DROSHA: variants seen among roughly 807,000 people sequenced by gnomAD.
DROSHA encodes the protein ribonuclease 3.
In DROSHA, 56 loss-of-function variants were observed where a neutral mutation model predicts 181.9. The observed-to-expected ratio is 0.31, with a 90% CI of 0.25 to 0.38. The LOEUF (loss-of-function observed/expected upper bound fraction) is 0.38. Among genes scored for constraint, DROSHA ranks in the 10% least tolerant of loss-of-function variants. The pLI is 1.00. For missense variants in DROSHA, 1,218 were observed against 1,743.5 expected, an observed-to-expected ratio of 0.70 and a Z score of 5.37; for synonymous variants, 524 against 591.2, an observed-to-expected ratio of 0.89 and a Z score of 1.65.
chr5:31,422,058 T>C, intron 29 of DROSHA, among the ~76,000 whole-genome samples: 1 of 145,580 alleles, frequency 6.9e-6, no homozygotes. Flanking sequence ...TGCCACTGCA[T>C]TCCAGCCTTC....
Position 31,429,481 on chromosome 5 carries a change from A to G in DROSHA, c.3210T>C (p.Asn1070=). Residue 1070 remains asparagine (N), a synonymous_variant, in exon 27 of 36, where the codon AAT becomes AAC. Transcript: ENST00000344624. ...AKQLFGRLLF[N]DPDLREVWLN... ...AATGATTCCATAGAAATACCGGATC[A>G]TTAAAGAGCAAGCGTCCAAATAACT... The G allele has an allele frequency of 6.2e-7, 1 of 1,611,658 alleles. No homozygotes were observed. The highest frequency in any genetic ancestry group is 8.5e-7 in the Non-Finnish European group (1 of 1,178,734).
chr5:31,410,320 G>A (rs1052761414), intron 31 of DROSHA, among the ~76,000 whole-genome samples: 10 of 152,102 alleles, frequency 6.6e-5, no homozygotes, highest in African/African-American at 9.7e-5. Flanking sequence ...ACATTTGTCC[G>A]CAGAGCTTTG....
chr5:31,430,994 T>C (rs1744105806), intron 26 of DROSHA, among the ~76,000 whole-genome samples: 1 of 152,214 alleles, frequency 6.6e-6, no homozygotes, highest in African/African-American at 2.4e-5. Flanking sequence ...ATAACTTTCC[T>C]GTACCAATGG....
chr5:31,512,334 C>G (rs1738785888), intron 8 of DROSHA, among the ~76,000 whole-genome samples: 4 of 152,214 alleles, frequency 2.6e-5, no homozygotes, highest in Admixed American at 2.0e-4. Flanking sequence ...CAGTCTTCCT[C>G]CTACACTGGA....
At chr5:31,459,420 A>G (rs1351158685) in intron 20 of DROSHA, among the ~76,000 whole-genome samples, 1 of 151,576 alleles carries the variant, frequency 6.6e-6, no homozygotes, top group Non-Finnish European at 1.5e-5. Flanking sequence ...GTCTTAAAAA[A>G]AAAAAAAAAA....
At chr5:31,469,618 T>C (rs146401496) in intron 17 of DROSHA, among the ~76,000 whole-genome samples, 221 of 152,370 alleles carry the variant, frequency 1.5e-3, no homozygotes, top group Middle Eastern at 0.01. Flanking sequence ...AACTGTGGAA[T>C]AGAATGCTAT....
intron 20 of DROSHA, among the ~76,000 whole-genome samples, chr5:31,454,250 C>T (rs775375393): frequency 5.9e-5 from 9 of 151,632 alleles, no homozygotes; most frequent in Non-Finnish European, 1.2e-4. Flanking sequence ...ACACCTGGGA[C>T]CTACAAACAC....
rs1229948823 is a variant in DROSHA, at chr5:31,526,753, G to A, written c.180C>T (p.Ser60=). The A allele has an allele frequency of 1.3e-6, 2 of 1,591,422 alleles. No individual in the cohort carries two copies. The highest frequency in any genetic ancestry group is 2.2e-5 in the East Asian group (1 of 44,592). The change falls in exon 5 of 36, where the codon TCC becomes TCT. Residue 60 remains serine, a synonymous_variant. Coordinates refer to ENST00000344624, the MANE Select transcript of DROSHA (RefSeq NM_001382508.1). The stretch of plus-strand genomic sequence containing the variant: ...GGGCTGGAGAGTTTGAGAAAGTGGT[G>A]GAAGGGGCACTTGGAGGTTCATATT... The part of the protein sequence containing the change: ...QYQYEPPSAP[S]TTFSNSPAPN...
At chr5:31,410,677 A>C in intron 31 of DROSHA, 69 bp downstream of exon 31, 1 of 1,516,816 alleles carries the variant, frequency 6.6e-7, no homozygotes, top group Non-Finnish European at 8.8e-7. Context: ...AATGAGGAGG[A>C]GGACAAATAC....
intron 25 of DROSHA, among the ~76,000 whole-genome samples, chr5:31,434,332 T>C (rs1744542793): frequency 6.6e-6 from 1 of 152,240 alleles, no homozygotes; most frequent in African/African-American, 2.4e-5. Context: ...CTTATTAATA[T>C]GTATTTCCAG....
intron 10 of DROSHA, among the ~76,000 whole-genome samples, chr5:31,505,009 A>C (rs1353141069): frequency 6.6e-6 from 1 of 152,212 alleles, no homozygotes; most frequent in Non-Finnish European, 1.5e-5. Context: ...GGAGGAACAC[A>C]TAGAGTGTTT....
chr5:31,521,058 A>G, intron 6 of DROSHA, 65 bp downstream of exon 6: 2 of 1,556,362 alleles, frequency 1.3e-6, no homozygotes, highest in East Asian at 4.5e-5. Flanking sequence ...TGCTCCATAC[A>G]AGCACAAAAT....
intron 10 of DROSHA, among the ~76,000 whole-genome samples, chr5:31,507,507 C>T (rs1177476449): frequency 6.6e-6 from 1 of 150,664 alleles, no homozygotes; most frequent in Non-Finnish European, 1.5e-5. Flanking sequence ...CCCTATAGTC[C>T]TAGATACTTG....
At chr5:31,424,616 A>T in intron 27 of DROSHA, 145 bp from the exon 28 acceptor site, 13 of 940,796 alleles carry the variant, frequency 1.4e-5, no homozygotes, top group South Asian at 4.2e-5. Context: ...TGGCAAACTA[A>T]TTTTTTTTTT....
Position 31,511,005 on chromosome 5 carries a change from G to T in DROSHA, c.1432+30C>A, listed in dbSNP as rs775834855. 3 of 1,612,744 alleles carry T rather than the reference G, an allele frequency of 1.9e-6. No homozygotes were observed. In the South Asian group the frequency reaches 3.3e-5, roughly 18 times the overall value. On this transcript the variant is annotated intron_variant, in intron 9 of 35. Coordinates refer to ENST00000344624, the MANE Select transcript of DROSHA (RefSeq NM_001382508.1). Reference sequence around the variant, plus strand: ...TAGGAATGAAGCTATAATCGCAAGGGTCTCAGGCTAGTTAGTGACTCTGAC... The same window carrying T: ...TAGGAATGAAGCTATAATCGCAAGGTTCTCAGGCTAGTTAGTGACTCTGAC...
chr5:31,508,826 G>GTGT, intron 9 of DROSHA, 51 bp from the exon 10 acceptor site: 1 of 1,401,654 alleles, frequency 7.1e-7, no homozygotes, highest in South Asian at 1.4e-5. Flanking sequence ...TAACAAACTG[G>GTGT]TTTTTTTTTT....
At chr5:31,473,535 A>G (rs916208002) in intron 16 of DROSHA, among the ~76,000 whole-genome samples, 1 of 151,598 alleles carries the variant, frequency 6.6e-6, no homozygotes, top group African/African-American at 2.4e-5. Context: ...GAACACAGCA[A>G]TGATGGAAAC....
chr5:31,422,730 C>A, intron 29 of DROSHA, 57 bp downstream of exon 29: 1 of 1,599,852 alleles, frequency 6.3e-7, no homozygotes, highest in South Asian at 1.1e-5. Flanking sequence ...CTCCAAAGGT[C>A]TGGGACTGCC....
chr5:31,500,916 C>A (rs186487752), intron 11 of DROSHA, among the ~76,000 whole-genome samples: 1 of 152,138 alleles, frequency 6.6e-6, no homozygotes, highest in African/African-American at 2.4e-5. Flanking sequence ...TTAGTTTGTA[C>A]GAACATAAGA....
Sources: gnomAD v4.1 joint callset for allele counts (sites outside exome capture counted in the v4.1 genomes callset) on GRCh38, gnomAD v4.1.1 for gene constraint, MANE v1.5 for transcripts, NCBI Gene and HGNC (gene_info 2026-07-23, HGNC 2026-07-21) for gene names.